Variants in GSG1L observed in about 807,000 individuals in gnomAD.
GSG1L encodes the protein GSG1 like.
A neutral mutation model predicts 42.1 loss-of-function variants in GSG1L; 24 were observed. That is an observed-to-expected ratio of 0.57 (90% CI 0.41 to 0.80). The LOEUF (loss-of-function observed/expected upper bound fraction) is 0.80. Ranked by LOEUF, GSG1L falls within the 30% of genes least tolerant of loss-of-function variation. GSG1L has a pLI of 0.00. For synonymous variants in GSG1L, 215 were observed against 203.5 expected, an observed-to-expected ratio of 1.06 and a Z score of -0.48; for missense variants, 445 against 472.2, an observed-to-expected ratio of 0.94 and a Z score of 0.53.
chr16:27,887,566 C>T (rs1431712822), intron 2 of GSG1L, among the ~76,000 whole-genome samples: 1 of 152,230 alleles, frequency 6.6e-6, no homozygotes, highest in Non-Finnish European at 1.5e-5. Context: ...TCAAACATGT[C>T]CTTTTCTAGC....
intron 3 of GSG1L, chr16:27,850,765 T>C (rs1000649879): frequency 2.9e-6 from 1 of 342,398 alleles, no homozygotes; most frequent in Non-Finnish European, 5.7e-6. Flanking sequence ...TTTAAAAATA[T>C]ATACATGTAA....
intron 2 of GSG1L, among the ~76,000 whole-genome samples, chr16:27,893,089 G>A (rs1455284377): frequency 2.0e-5 from 3 of 152,108 alleles, no homozygotes; most frequent in Non-Finnish European, 4.4e-5. Context: ...CCAAGTCTCC[G>A]AAACTTGCGC....
At chr16:28,032,981 C>T (rs1208959909) in intron 1 of GSG1L, among the ~76,000 whole-genome samples, 2 of 152,192 alleles carry the variant, frequency 1.3e-5, no homozygotes, top group Non-Finnish European at 2.9e-5. Context: ...CTGTCACCTT[C>T]CTGCTTAAAC....
At chr16:27,802,736 A>G (rs2082897681) in intron 6 of GSG1L, among the ~76,000 whole-genome samples, 1 of 151,946 alleles carries the variant, frequency 6.6e-6, no homozygotes, top group Non-Finnish European at 1.5e-5. Context: ...TGCAGCCTCA[A>G]ACTCCTGGGC....
At chr16:27,952,152 C>A (rs1487001361) in intron 2 of GSG1L, among the ~76,000 whole-genome samples, 2 of 152,244 alleles carry the variant, frequency 1.3e-5, no homozygotes, top group Non-Finnish European at 2.9e-5. Flanking sequence ...GGGCCACCCA[C>A]TATCTATAAC....
Position 28,063,024 on chromosome 16 carries a change from C to T in GSG1L, c.349+52G>A, listed in dbSNP as rs1596744227. 7.5e-7 allele frequency: 1 copy of T among 1,332,972 alleles called. No homozygotes were observed. Among genetic ancestry groups the T allele is most frequent in the South Asian group, 1.7e-5 (1 of 58,348 alleles). The allele number at this position is 1,332,972 out of a possible 1,614,324, so 82.6% of individuals were successfully genotyped here. A position where few individuals can be genotyped will look rare whatever the true frequency, so the allele number is the denominator to read the frequency against. On this transcript the variant is annotated intron_variant, in intron 1 of 6. Coordinates refer to ENST00000447459, the MANE Select transcript of GSG1L (RefSeq NM_001109763.2). The surrounding 1 kb of genome is among the most constrained non-coding windows in gnomAD (Gnocchi z 5.8). ...TCCGGGGCTCGGGCCTCGATGGCCG[C>T]GCCGCCCCGGGGGAGCCGGAGCCGA...
intron 3 of GSG1L, among the ~76,000 whole-genome samples, chr16:27,862,139 A>G (rs1475365808): frequency 1.3e-5 from 2 of 152,174 alleles, no homozygotes; most frequent in African/African-American, 2.4e-5. Context: ...GCAATAATCA[A>G]TAGGATATGG....
chr16:28,024,385 A>T (rs2085878458), intron 1 of GSG1L, among the ~76,000 whole-genome samples: 1 of 152,228 alleles, frequency 6.6e-6, no homozygotes, highest in Non-Finnish European at 1.5e-5. Flanking sequence ...TGCATCTGAC[A>T]TGATGCGTTT....
rs1042388174 is a variant in GSG1L at position 27,884,677 on chromosome 16, C to T, written c.398-39G>A. The T allele has an allele frequency of 6.5e-7, 1 of 1,545,126 alleles. No individual in the cohort carries two copies. On this transcript the variant is annotated intron_variant, in intron 2 of 6. Transcript: ENST00000447459. This position sits in a 1 kb window ranked among gnomAD's most constrained non-coding sequence, Gnocchi z 4.4. ...GCAGAGAGGCCGTGAGATGAGGGGC[C>T]ACCCAAGATAGACTCACCCTGTGCC...
chr16:28,035,860 G>A (rs1296637762), intron 1 of GSG1L, among the ~76,000 whole-genome samples: 1 of 152,112 alleles, frequency 6.6e-6, no homozygotes, highest in Non-Finnish European at 1.5e-5. Flanking sequence ...AGCTTACGGG[G>A]CCACTTCACT....
rs184152401 is a variant in GSG1L at position 27,790,602 on chromosome 16, G to A, written c.*768C>T. Reference sequence around the variant, plus strand: ...TTGCTGAGCTCTGAAGAGAAATGTGGCTTCTTCACCCTCCCTGCTTAGGGC... The same window carrying A: ...TTGCTGAGCTCTGAAGAGAAATGTGACTTCTTCACCCTCCCTGCTTAGGGC... On this transcript the variant is annotated 3_prime_UTR_variant, in exon 7 of 7. Transcript: ENST00000447459. 6.6e-6 allele frequency: 1 copy of A among 152,406 alleles called. No individual in the cohort carries two copies. Among genetic ancestry groups the A allele is most frequent in the Admixed American group, 6.5e-5 (1 of 15,302 alleles). The allele number at this position is 152,406 out of a possible 1,614,324, so 9.4% of individuals were successfully genotyped here. A position where few individuals can be genotyped will look rare whatever the true frequency, so the allele number is the denominator to read the frequency against.
In GSG1L at chr16:28,058,763, G is replaced by A. The variant is rs76699071; in HGVS notation, c.349+4313C>T. 6.2e-3 allele frequency among the ~76,000 whole-genome samples: 948 copies of A among 152,160 alleles called. 5 individuals carry two copies. The highest frequency in any genetic ancestry group is 0.021 in the African/African-American group (879 of 41,504). ...TACTCCCAAGCACCAAAAACCTCCC[G>A]GTTGGGGACATCACAGGGGTCCTCA... On this transcript the variant is annotated intron_variant, in intron 1 of 6. Coordinates refer to ENST00000447459, the MANE Select transcript of GSG1L (RefSeq NM_001109763.2).
chr16:27,871,237 C>T (rs892671277), intron 3 of GSG1L, among the ~76,000 whole-genome samples: 2 of 152,108 alleles, frequency 1.3e-5, no homozygotes, highest in Admixed American at 6.5e-5. Context: ...TGCTGGACAC[C>T]CCACAATGCA....
chr16:27,799,015 A>G (rs975982757), intron 6 of GSG1L, among the ~76,000 whole-genome samples: 1 of 152,150 alleles, frequency 6.6e-6, no homozygotes, highest in African/African-American at 2.4e-5. Context: ...CTGGTGACCT[A>G]CTGTGTGCTA....
Position 27,789,671 on chromosome 16 carries a change from T to C in GSG1L, c.*1699A>G, listed in dbSNP as rs909257496. The C allele has an allele frequency of 2.0e-5, 3 of 147,084 alleles. No homozygotes were observed. Among genetic ancestry groups the C allele is most frequent in the Non-Finnish European group, 3.0e-5 (2 of 67,024 alleles). The allele number at this position is 147,084 out of a possible 1,614,324, so 9.1% of individuals were successfully genotyped here. On this transcript the variant is annotated 3_prime_UTR_variant, in exon 7 of 7. Transcript: ENST00000447459. Reference sequence around the variant, plus strand: ...GATGATGAATGGATGGATGAAAGCATAGACAATGAATGGATAGATGATGGA... The same window carrying C: ...GATGATGAATGGATGGATGAAAGCACAGACAATGAATGGATAGATGATGGA...
intron 3 of GSG1L, among the ~76,000 whole-genome samples, chr16:27,865,568 TA>T (rs2083710423): frequency 4.8e-5 from 1 of 20,868 alleles, no homozygotes; most frequent in Non-Finnish European, 8.2e-5. Flanking sequence ...TATATATATA[TA>T]TATACACACA....
chr16:27,858,274 G>T (rs1186141031), intron 3 of GSG1L, among the ~76,000 whole-genome samples: 2 of 152,070 alleles, frequency 1.3e-5, no homozygotes, highest in Non-Finnish European at 2.9e-5. Flanking sequence ...TTTACCCCGG[G>T]CACTTTACAG....
chr16:27,829,547 T>A (rs1313304303), intron 4 of GSG1L, among the ~76,000 whole-genome samples: 1 of 152,202 alleles, frequency 6.6e-6, no homozygotes, highest in African/African-American at 2.4e-5. Context: ...TTCACATTCC[T>A]CATGACTATT....
At chr16:27,875,741 T>C (rs1205346355) in intron 3 of GSG1L, among the ~76,000 whole-genome samples, 2 of 152,008 alleles carry the variant, frequency 1.3e-5, no homozygotes, top group African/African-American at 4.8e-5. Flanking sequence ...TAGAAATGAG[T>C]CTATGACTTA....
Sources: allele counts gnomAD v4.1 joint callset (sites outside exome capture counted in the v4.1 genomes callset), GRCh38; gene constraint gnomAD v4.1.1; non-coding constraint Gnocchi (gnomAD v3.1); transcripts MANE v1.5; gene names NCBI Gene and HGNC (gene_info 2026-07-23, HGNC 2026-07-21).